MMP16: variants seen among roughly 807,000 people sequenced by gnomAD.
MMP16 encodes the protein matrix metalloproteinase-16.
A neutral mutation model predicts 67.8 loss-of-function variants in MMP16; 12 were observed. The observed-to-expected ratio is 0.18, with a 90% CI of 0.11 to 0.29. The LOEUF (loss-of-function observed/expected upper bound fraction) is 0.29, where lower values mean the gene tolerates loss of function less well. MMP16 is among the 10% of genes least tolerant of loss of function. MMP16 has a pLI of 1.00. For synonymous variants in MMP16, 249 were observed against 255.9 expected (o/e 0.97, Z 0.26); for missense variants, 475 against 765.7 (o/e 0.62, Z 4.48).
chr8:88,142,012 G>A (rs1370142382), intron 4 of MMP16, among the ~76,000 whole-genome samples: 1 of 151,820 alleles, frequency 6.6e-6, no homozygotes, highest in Non-Finnish European at 1.5e-5. Flanking sequence ...CCACCTCCTG[G>A]GTTCAAGCAA....
At chr8:88,070,162 T>C (rs551876350) in intron 7 of MMP16, among the ~76,000 whole-genome samples, 1 of 152,326 alleles carries the variant, frequency 6.6e-6, no homozygotes, top group Non-Finnish European at 1.5e-5. Flanking sequence ...CATCTTTGTC[T>C]TGTTCCTGAT....
chr8:88,198,169 G>C lies in MMP16; in HGVS notation c.133-863C>G, dbSNP rs1809286057. Among the ~76,000 whole-genome samples the C allele has an allele frequency of 2.6e-5, 4 of 152,058 alleles. No individual in the cohort carries two copies. In the South Asian group the frequency reaches 8.3e-4, roughly 32 times the overall value. On this transcript the variant is annotated intron_variant, in intron 1 of 9. Coordinates refer to ENST00000286614, the MANE Select transcript of MMP16 (RefSeq NM_005941.5). The stretch of plus-strand genomic sequence containing the variant: ...AGTTAATACAAATGCAGGGCATTTG[G>C]AAAAAAACATATATCTCCACCAGGG...
chr8:88,069,276 A>AT (rs1273573046), intron 7 of MMP16: 3 of 338,136 alleles, frequency 8.9e-6, no homozygotes, highest in South Asian at 2.5e-5. Flanking sequence ...GGTCATGCAC[A>AT]TTTTTTTGCA....
chr8:88,078,735 T>A (rs776055900), intron 6 of MMP16, among the ~76,000 whole-genome samples: 1 of 152,168 alleles, frequency 6.6e-6, no homozygotes, highest in Non-Finnish European at 1.5e-5. Flanking sequence ...AGAACTGATC[T>A]ACTTTTACTT....
chr8:88,221,275 G>A (rs1809678170), intron 1 of MMP16, among the ~76,000 whole-genome samples: 1 of 152,022 alleles, frequency 6.6e-6, no homozygotes, highest in African/African-American at 2.4e-5. Flanking sequence ...AATGTCAAAT[G>A]CCAAAAGAAA....
intron 3 of MMP16, among the ~76,000 whole-genome samples, chr8:88,171,487 G>GT (rs1440044626): frequency 6.6e-6 from 1 of 152,122 alleles, no homozygotes; most frequent in African/African-American, 2.4e-5. Flanking sequence ...TGAAAGGAAG[G>GT]TGTATTTTCA....
intron 6 of MMP16, among the ~76,000 whole-genome samples, chr8:88,115,910 T>C (rs1809419907): frequency 6.6e-6 from 1 of 152,160 alleles, no homozygotes; most frequent in Admixed American, 6.6e-5. Context: ...GTAAAATTAG[T>C]TTCAGCTTGT....
At chr8:88,273,398 T>C (rs1810597775) in intron 1 of MMP16, among the ~76,000 whole-genome samples, 1 of 151,992 alleles carries the variant, frequency 6.6e-6, no homozygotes, top group Non-Finnish European at 1.5e-5. Context: ...GCCTAGAAAA[T>C]AACCTGCCTT....
Position 88,035,732 on chromosome 8 carries a change from T to C in MMP16, c.*5729A>G, listed in dbSNP as rs1808046005. 2 of 152,028 alleles carry C rather than the reference T, an allele frequency of 1.3e-5. No homozygotes were observed. Among genetic ancestry groups the C allele is most frequent in the Admixed American group, 1.3e-4 (2 of 15,228 alleles). The allele number at this position is 152,028 out of a possible 1,614,324, so 9.4% of individuals were successfully genotyped here. On this transcript the variant is annotated 3_prime_UTR_variant, in exon 10 of 10. Coordinates refer to ENST00000286614, the MANE Select transcript of MMP16 (RefSeq NM_005941.5). This position sits in a 1 kb window ranked among gnomAD's most constrained non-coding sequence, Gnocchi z 4.7. Reference sequence around the variant, plus strand: ...AATTGAAGACTGCTATGTACTTCTGTATTCTACTCAAACATTGACAGGAAT... The same window carrying C: ...AATTGAAGACTGCTATGTACTTCTGCATTCTACTCAAACATTGACAGGAAT...
chr8:88,212,900 T>C (rs1809533581), intron 1 of MMP16, among the ~76,000 whole-genome samples: 1 of 152,140 alleles, frequency 6.6e-6, no homozygotes. Context: ...GATAAGAAAT[T>C]ATTAAAAATA....
chr8:88,047,943 G>T (rs1309353287), intron 8 of MMP16, among the ~76,000 whole-genome samples: 1 of 152,118 alleles, frequency 6.6e-6, no homozygotes. Context: ...ATAAATCAAG[G>T]CATTTGGGAT....
intron 4 of MMP16, among the ~76,000 whole-genome samples, chr8:88,159,055 T>A (rs1472919023): frequency 1.3e-5 from 2 of 152,170 alleles, no homozygotes; most frequent in Non-Finnish European, 2.9e-5. Context: ...AACATGCTGT[T>A]TTGGTTACTG....
intron 8 of MMP16, among the ~76,000 whole-genome samples, chr8:88,049,216 C>A (rs1396061330): frequency 6.6e-6 from 1 of 152,204 alleles, no homozygotes; most frequent in Non-Finnish European, 1.5e-5. Context: ...CTGCATCTTT[C>A]TGAAGAGGAC....
intron 1 of MMP16, among the ~76,000 whole-genome samples, chr8:88,238,766 C>A (rs1048689105): frequency 3.3e-5 from 5 of 150,054 alleles, no homozygotes; most frequent in Non-Finnish European, 7.4e-5. Context: ...AACTTTGAGG[C>A]ATATGTAAAA....
At chr8:88,115,360 T>G (rs1156426071) in intron 6 of MMP16, among the ~76,000 whole-genome samples, 1 of 152,058 alleles carries the variant, frequency 6.6e-6, no homozygotes, top group Non-Finnish European at 1.5e-5. Flanking sequence ...CTAAGTTTAT[T>G]AAACTACTTG....
intron 9 of MMP16, among the ~76,000 whole-genome samples, chr8:88,043,651 C>T (rs1280210764): frequency 2.0e-5 from 3 of 152,182 alleles, no homozygotes; most frequent in Non-Finnish European, 4.4e-5. Flanking sequence ...CTTCAGGTCA[C>T]TTCATTCTGG....
At chr8:88,179,609 TAAC>T (rs1012698306) in intron 3 of MMP16, among the ~76,000 whole-genome samples, 2 of 152,144 alleles carry the variant, frequency 1.3e-5, no homozygotes, top group Admixed American at 6.6e-5. Context: ...TTCAAAATAA[TAAC>T]AAAAATAATG....
At chr8:88,270,005 C>G (rs1183746810) in intron 1 of MMP16, among the ~76,000 whole-genome samples, 2 of 152,132 alleles carry the variant, frequency 1.3e-5, no homozygotes, top group African/African-American at 4.8e-5. Flanking sequence ...TATACAGCAC[C>G]TTTTAACACT....
chr8:88,187,061 T>C (rs909088841), intron 2 of MMP16, among the ~76,000 whole-genome samples: 4 of 152,240 alleles, frequency 2.6e-5, no homozygotes, highest in Non-Finnish European at 4.4e-5. Context: ...TATGCTACTC[T>C]GTTCTAATTT....
Sources: allele counts gnomAD v4.1 joint callset (sites outside exome capture counted in the v4.1 genomes callset), GRCh38; gene constraint gnomAD v4.1.1; non-coding constraint Gnocchi (gnomAD v3.1); transcripts MANE v1.5; gene names NCBI Gene and HGNC (gene_info 2026-07-23, HGNC 2026-07-21).